The following RGSL1 variants were observed in gnomAD, a reference collection of about 807,000 sequenced individuals.
The protein encoded by RGSL1 is regulator of G protein signaling protein-like.
RGSL1 carries 97 observed loss-of-function variants against 124.7 expected under a neutral mutation model. That is an observed-to-expected ratio of 0.78 (90% CI 0.66 to 0.92). The LOEUF is 0.92. Among genes scored for constraint, RGSL1 ranks in the 40% least tolerant of loss-of-function variants. The probability of loss-of-function intolerance (pLI) is 0.00; values close to 1 mark genes in which losing one functional copy is unlikely to be tolerated. For missense variants in RGSL1, 1,233 were observed against 1,288.4 expected, an observed-to-expected ratio of 0.96 and a Z score of 0.66; for synonymous variants, 424 against 438.1, an observed-to-expected ratio of 0.97 and a Z score of 0.40.
Position 182,530,862 on chromosome 1 carries a change from G to C in RGSL1, c.2316G>C (p.Ser772=). Residue 772 remains serine, a synonymous_variant, in exon 13 of 22, where the codon TCG becomes TCC. Transcript: ENST00000294854. ...AAGTGCAAAGTGAAGTACAAATTTC[G>C]TCTAGGAAGCCCTCAAAGATAGTGT... The part of the protein sequence containing the change: ...EVEVQSEVQI[S]SRKPSKIVST... 6.5e-7 allele frequency: 1 copy of C among 1,550,020 alleles called. No individual in the cohort carries two copies. Among genetic ancestry groups the C allele is most frequent in the Non-Finnish European group, 8.7e-7 (1 of 1,146,104 alleles).
rs1465914977 is a variant in RGSL1, at chr1:182,473,977, T to A, written c.866T>A (p.Val289Asp). 5.2e-6 allele frequency: 8 copies of A among 1,551,816 alleles called. No individual in the cohort carries two copies. In the South Asian group the frequency reaches 5.9e-5, roughly 12 times the overall value. ...LQETCPQEKV[V>D]IQMPSLKMAS... ...GAGACATGTCCTCAAGAGAAGGTGG[T>A]TATACAAATGCCTTCCCTGAAAATG... The change falls in exon 6 of 22, where the codon GTT becomes GAT. Residue 289 changes from valine to aspartate, a missense_variant. Val to Asp is a radical substitution (Grantham distance 152). Transcript: ENST00000294854.
At chr1:182,509,809 G>C (rs1319760233) in intron 9 of RGSL1, among the ~76,000 whole-genome samples, 1 of 116,082 alleles carries the variant, frequency 8.6e-6, no homozygotes, top group Admixed American at 7.9e-5. Context: ...CTGGCCGGGC[G>C]GGGGGCTGAC....
intron 14 of RGSL1, among the ~76,000 whole-genome samples, chr1:182,537,121 T>G (rs76188703): frequency 7.2e-5 from 11 of 152,172 alleles, no homozygotes; most frequent in African/African-American, 2.7e-4. Flanking sequence ...TTAAGTAGTG[T>G]CTTTTGAAGA....
intron 4 of RGSL1, among the ~76,000 whole-genome samples, chr1:182,470,483 A>T (rs1436545734): frequency 6.6e-6 from 1 of 152,094 alleles, no homozygotes; most frequent in East Asian, 1.9e-4. Flanking sequence ...TCCTCTACCC[A>T]GAATGCTCTT....
intron 15 of RGSL1, among the ~76,000 whole-genome samples, chr1:182,543,689 A>G (rs1429909425): frequency 6.6e-6 from 1 of 152,004 alleles, no homozygotes; most frequent in East Asian, 1.9e-4. Flanking sequence ...TTGACGGGAA[A>G]CTTATTATGG....
chr1:182,498,531 G>T (rs911764389), intron 9 of RGSL1, among the ~76,000 whole-genome samples: 2 of 152,140 alleles, frequency 1.3e-5, no homozygotes, highest in African/African-American at 4.8e-5. Flanking sequence ...TTGTATCTTT[G>T]TTCTCCTGGG....
intron 8 of RGSL1, among the ~76,000 whole-genome samples, chr1:182,491,981 A>G (rs1272207538): frequency 1.3e-5 from 2 of 152,140 alleles, no homozygotes; most frequent in Non-Finnish European, 2.9e-5. Context: ...TTCCCTCTCA[A>G]TTCATCATGC....
intron 15 of RGSL1, among the ~76,000 whole-genome samples, chr1:182,543,884 G>C (rs1350807010): frequency 6.6e-6 from 1 of 151,828 alleles, no homozygotes; most frequent in African/African-American, 2.4e-5. Context: ...TTATTTATTT[G>C]GGTCTTCTCT....
chr1:182,464,728 A>G (rs1653137136), intron 4 of RGSL1, among the ~76,000 whole-genome samples: 1 of 142,492 alleles, frequency 7.0e-6, no homozygotes, highest in Non-Finnish European at 1.5e-5. Flanking sequence ...TGCTCAGAAG[A>G]AAAAAAAAAA....
chr1:182,486,522 T>A (rs974695303), intron 6 of RGSL1, among the ~76,000 whole-genome samples: 1 of 151,700 alleles, frequency 6.6e-6, no homozygotes, highest in African/African-American at 2.4e-5. Context: ...TTATTTTTTA[T>A]TTTTTGGTAG....
At chr1:182,467,611 A>C (rs1359915468) in intron 4 of RGSL1, among the ~76,000 whole-genome samples, 1 of 152,216 alleles carries the variant, frequency 6.6e-6, no homozygotes, top group African/African-American at 2.4e-5. Context: ...TTATACAAAA[A>C]TTAATTCAAG....
At chr1:182,474,756 C>T (rs1373014177) in intron 6 of RGSL1, among the ~76,000 whole-genome samples, 3 of 152,164 alleles carry the variant, frequency 2.0e-5, no homozygotes, top group African/African-American at 7.2e-5. Context: ...AACTGGGCCG[C>T]ACAGCAGAAG....
intron 4 of RGSL1, among the ~76,000 whole-genome samples, chr1:182,472,120 C>T (rs982786614): frequency 5.9e-5 from 9 of 152,066 alleles, no homozygotes; most frequent in African/African-American, 2.2e-4. Flanking sequence ...CATAATCCTC[C>T]CCCAGAGTCT....
intron 6 of RGSL1, among the ~76,000 whole-genome samples, chr1:182,478,230 G>A (rs1356205191): frequency 1.3e-5 from 2 of 152,064 alleles, no homozygotes; most frequent in Non-Finnish European, 2.9e-5. Context: ...TTACAGGGGT[G>A]AGCCACTATG....
chr1:182,518,261 A>G (rs1658050522), intron 9 of RGSL1, among the ~76,000 whole-genome samples: 1 of 152,106 alleles, frequency 6.6e-6, no homozygotes, highest in Non-Finnish European at 1.5e-5. Flanking sequence ...CTACTAGGTC[A>G]CAGCCTCCTT....
Position 182,458,346 on chromosome 1 carries a change from G to A in RGSL1, c.124G>A (p.Val42Ile). The change falls in exon 3 of 22, where the codon GTT (valine) becomes ATT (isoleucine). Residue 42 changes from valine to isoleucine, a missense_variant. Val to Ile is a conservative substitution (Grantham distance 29). Coordinates refer to ENST00000294854, the MANE Select transcript of RGSL1 (RefSeq NM_001137669.2). The stretch of plus-strand genomic sequence containing the variant: ...TTTTGGTCAGACACCATTTTATACT[G>A]TTGAAAATTCACAGTGGAGCTTGTG... Reference protein sequence around the residue: ...PVFGQTPFYTVENSQWSLWPE... With the variant: ...PVFGQTPFYTIENSQWSLWPE... The A allele has an allele frequency of 1.3e-6, 2 of 1,552,116 alleles. No homozygotes were observed. The highest frequency in any genetic ancestry group is 1.2e-5 in the South Asian group (1 of 84,038).
At chr1:182,531,305 A>G (rs1008267150) in intron 13 of RGSL1, among the ~76,000 whole-genome samples, 1 of 152,200 alleles carries the variant, frequency 6.6e-6, no homozygotes, top group Non-Finnish European at 1.5e-5. Context: ...CTTGCAGACA[A>G]ACAAACCAGA....
intron 9 of RGSL1, among the ~76,000 whole-genome samples, chr1:182,513,009 G>A (rs1464752431): frequency 6.6e-6 from 1 of 152,206 alleles, no homozygotes; most frequent in Non-Finnish European, 1.5e-5. Flanking sequence ...GGACGGGGTG[G>A]GGCATGGCAG....
chr1:182,506,855 G>T (rs1219578892), intron 9 of RGSL1, among the ~76,000 whole-genome samples: 2 of 152,028 alleles, frequency 1.3e-5, no homozygotes, highest in Non-Finnish European at 2.9e-5. Context: ...GTATACTTGG[G>T]ATATCCATCA....
Sources: allele counts gnomAD v4.1 joint callset (sites outside exome capture counted in the v4.1 genomes callset), GRCh38; gene constraint gnomAD v4.1.1; transcripts MANE v1.5; gene names NCBI Gene and HGNC (gene_info 2026-07-23, HGNC 2026-07-21).